MTFR1: variants seen among roughly 807,000 people sequenced by gnomAD.
MTFR1 encodes the protein chondrocyte protein with a poly-proline region.
Under a neutral mutation model 38.8 loss-of-function variants are expected in MTFR1, and 28 were observed. The observed-to-expected ratio is 0.72, with a 90% CI of 0.53 to 0.99. The LOEUF is 0.99. Ranked by LOEUF, MTFR1 falls within the 50% of genes least tolerant of loss-of-function variation. The pLI, the probability that MTFR1 is intolerant of heterozygous loss-of-function variation, is 0.00. For synonymous variants in MTFR1, 145 were observed against 137.0 expected (o/e 1.06, Z -0.41); for missense variants, 358 against 395.5 (o/e 0.91, Z 0.81).
chr8:65,670,329 A>G (rs1804533516), intron 2 of MTFR1, among the ~76,000 whole-genome samples: 2 of 152,204 alleles, frequency 1.3e-5, no homozygotes, highest in South Asian at 4.1e-4. Flanking sequence ...CTTGGCCAAC[A>G]CTTGACAGCG....
chr8:65,687,567 G>C (rs1357673494), intron 3 of MTFR1, among the ~76,000 whole-genome samples: 1 of 151,894 alleles, frequency 6.6e-6, no homozygotes, highest in Admixed American at 6.6e-5. Flanking sequence ...GGATGGTTTC[G>C]ATCTCCTGAC....
chr8:65,645,103 C>T (rs1430764433), intron 1 of MTFR1, among the ~76,000 whole-genome samples: 1 of 152,200 alleles, frequency 6.6e-6, no homozygotes, highest in Non-Finnish European at 1.5e-5. Flanking sequence ...CCCCGACCTT[C>T]GGTCCATCTT....
chr8:65,739,035 C>T (rs938434702), intron 3 of MTFR1, among the ~76,000 whole-genome samples: 2 of 152,270 alleles, frequency 1.3e-5, no homozygotes, highest in East Asian at 1.9e-4. Context: ...GAAGGTGGGC[C>T]GATTCTGAGC....
intron 4 of MTFR1, among the ~76,000 whole-genome samples, chr8:65,704,457 G>T (rs1805717894): frequency 6.6e-6 from 1 of 152,158 alleles, no homozygotes; most frequent in South Asian, 2.1e-4. Context: ...GTTGGTTTGT[G>T]CATATTATGT....
chr8:65,660,822 G>T (rs186416848), intron 1 of MTFR1, among the ~76,000 whole-genome samples: 2 of 152,360 alleles, frequency 1.3e-5, no homozygotes, highest in East Asian at 3.9e-4. Flanking sequence ...AGCAATCAAG[G>T]TGTTCTCCAG....
At chr8:65,662,271 T>C (rs1391334183) in intron 1 of MTFR1, among the ~76,000 whole-genome samples, 1 of 152,088 alleles carries the variant, frequency 6.6e-6, no homozygotes, top group Non-Finnish European at 1.5e-5. Context: ...TTGGTTTTCG[T>C]ATTTTTTTGG....
chr8:65,708,075 C>G (rs1233869246), intron 7 of MTFR1, 64 bp downstream of exon 7: 14 of 1,605,486 alleles, frequency 8.7e-6, no homozygotes, highest in African/African-American at 1.3e-5. Context: ...CAAGCACTTG[C>G]ATTTTGCAAG....
intron 4 of MTFR1, among the ~76,000 whole-genome samples, chr8:65,699,761 T>C (rs1805555844): frequency 6.6e-6 from 1 of 152,238 alleles, no homozygotes; most frequent in South Asian, 2.1e-4. Context: ...GAATGGAATC[T>C]ACCCTTCTGT....
intron 3 of MTFR1, among the ~76,000 whole-genome samples, chr8:65,720,157 G>A (rs1806314532): frequency 6.6e-6 from 1 of 152,124 alleles, no homozygotes; most frequent in African/African-American, 2.4e-5. Context: ...AGTCAGAAAA[G>A]GAAAATGAGT....
chr8:65,735,165 A>C (rs1807073917), intron 3 of MTFR1, among the ~76,000 whole-genome samples: 1 of 152,194 alleles, frequency 6.6e-6, no homozygotes, highest in Non-Finnish European at 1.5e-5. Flanking sequence ...CAGCCCTAGC[A>C]GCATAACACA....
At chr8:65,724,364 A>C in intron 3 of MTFR1, 1 of 1,585,002 alleles carries the variant, frequency 6.3e-7, no homozygotes, top group East Asian at 2.2e-5. Flanking sequence ...AGCAAACAAA[A>C]CATTAATATT....
At chr8:65,769,973 A>G (rs1372326636) in intron 3 of MTFR1, among the ~76,000 whole-genome samples, 2 of 152,244 alleles carry the variant, frequency 1.3e-5, no homozygotes, top group Non-Finnish European at 2.9e-5. Flanking sequence ...AATTAGGTGA[A>G]TAATTTCATA....
At chr8:65,755,656 A>C (rs1343425368) in intron 3 of MTFR1, among the ~76,000 whole-genome samples, 3 of 152,238 alleles carry the variant, frequency 2.0e-5, no homozygotes, top group Admixed American at 2.0e-4. Context: ...GAGGTGTTAT[A>C]AACCAAAAAT....
At chr8:65,675,725 T>C (rs1004199202) in intron 2 of MTFR1, among the ~76,000 whole-genome samples, 1 of 152,188 alleles carries the variant, frequency 6.6e-6, no homozygotes, top group Non-Finnish European at 1.5e-5. Context: ...GGTGAATAAT[T>C]TGGCCAGCTT....
At chr8:65,735,113 G>A (rs1046196709) in intron 3 of MTFR1, among the ~76,000 whole-genome samples, 4 of 152,188 alleles carry the variant, frequency 2.6e-5, no homozygotes, top group Non-Finnish European at 5.9e-5. Flanking sequence ...AACAGACTAG[G>A]CTTCGGGGTG....
chr8:65,741,881 GA>G (rs1222241296), intron 3 of MTFR1, among the ~76,000 whole-genome samples: 5 of 152,168 alleles, frequency 3.3e-5, no homozygotes, highest in African/African-American at 1.2e-4. Flanking sequence ...AATCTAATGG[GA>G]AAATACCCTC....
In MTFR1 at chr8:65,704,918, A is replaced by G. The variant is rs552169874; in HGVS notation, c.506A>G (p.Asn169Ser). 6.3e-7 allele frequency: 1 copy of G among 1,588,302 alleles called. No homozygotes were observed. Among genetic ancestry groups the G allele is most frequent in the Non-Finnish European group, 8.6e-7 (1 of 1,164,390 alleles). Residue 169 changes from asparagine to serine, a missense_variant, in exon 5 of 8, where the codon AAT becomes AGT. Physicochemically the swap from Asn to Ser is conservative, Grantham distance 46. Transcript: ENST00000262146. ...AKIVTQQEQQNLTAGDLDSTT... is the reference protein window; with the variant it reads ...AKIVTQQEQQSLTAGDLDSTT... Reference sequence around the variant, plus strand: ...ATTGTGACCCAGCAGGAGCAGCAAAATCTCACTGCAGGTCTGTAAGTCCTA... The same window carrying G: ...ATTGTGACCCAGCAGGAGCAGCAAAGTCTCACTGCAGGTCTGTAAGTCCTA...
chr8:65,660,048 G>A (rs1289389248), intron 1 of MTFR1, among the ~76,000 whole-genome samples: 3 of 152,040 alleles, frequency 2.0e-5, no homozygotes, highest in Non-Finnish European at 4.4e-5. Flanking sequence ...CCAGCACTTC[G>A]GGAGGCTGAG....
intron 3 of MTFR1, chr8:65,721,770 T>G (rs946884845): frequency 2.0e-5 from 3 of 152,014 alleles, no homozygotes; most frequent in Non-Finnish European, 4.4e-5. Context: ...CCGATTCACC[T>G]GTCTTCGATT....
Sources: allele counts gnomAD v4.1 joint callset (sites outside exome capture counted in the v4.1 genomes callset), GRCh38; gene constraint gnomAD v4.1.1; transcripts MANE v1.5; gene names NCBI Gene and HGNC (gene_info 2026-07-23, HGNC 2026-07-21).